Variants in SCARA5 observed in about 807,000 individuals in gnomAD.
SCARA5 encodes scavenger receptor class A, member 5 (putative).
SCARA5 carries 45 observed loss-of-function variants against 46.3 expected under a neutral mutation model. The observed-to-expected ratio is 0.97, with a 90% confidence interval of 0.76 to 1.24. The LOEUF (loss-of-function observed/expected upper bound fraction) is 1.24, where lower values mean the gene tolerates loss of function less well. SCARA5 is among the 50% of genes most tolerant of loss of function. The probability of loss-of-function intolerance (pLI) is 0.00; values close to 1 mark genes in which losing one functional copy is unlikely to be tolerated. For synonymous variants in SCARA5, 333 were observed against 306.5 expected, an observed-to-expected ratio of 1.09 and a Z score of -0.90; for missense variants, 680 against 689.0, an observed-to-expected ratio of 0.99 and a Z score of 0.15.
intron 7 of SCARA5, among the ~76,000 whole-genome samples, chr8:27,890,932 G>A (rs948708950): frequency 6.6e-6 from 1 of 152,188 alleles, no homozygotes; most frequent in Admixed American, 6.5e-5. Context: ...GCAGGTGTGG[G>A]TCTGAAGCAA....
intron 2 of SCARA5, among the ~76,000 whole-genome samples, chr8:27,986,531 A>G (rs1472223368): frequency 2.0e-5 from 3 of 152,166 alleles, no homozygotes; most frequent in African/African-American, 7.2e-5. Context: ...AAGAAGAGCC[A>G]CCATGGTGGA....
At chr8:27,972,250 G>T (rs1205215897) in intron 2 of SCARA5, among the ~76,000 whole-genome samples, 2 of 152,118 alleles carry the variant, frequency 1.3e-5, no homozygotes, top group African/African-American at 4.8e-5. Context: ...CTGGGAGGCA[G>T]AGGCTGCAGT....
chr8:27,943,794 G>T (rs766692833), intron 3 of SCARA5, among the ~76,000 whole-genome samples: 1 of 152,230 alleles, frequency 6.6e-6, no homozygotes, highest in Non-Finnish European at 1.5e-5. Context: ...ACTCGGGCAA[G>T]AATTGTAAGT....
chr8:27,909,606 C>A, intron 5 of SCARA5, 57 bp downstream of exon 5: 1 of 1,218,046 alleles, frequency 8.2e-7, no homozygotes, highest in East Asian at 2.6e-5. Context: ...AAGAAAGTAG[C>A]GGGTAGAGAT....
At chr8:27,909,782 C>T in intron 4 of SCARA5, 39 bp from the exon 5 acceptor site, 1 of 1,422,120 alleles carries the variant, frequency 7.0e-7, no homozygotes, top group South Asian at 1.2e-5. Context: ...AGGGGGCTCC[C>T]TTCTGAAACA....
intron 4 of SCARA5, among the ~76,000 whole-genome samples, chr8:27,920,264 A>G (rs1807561627): frequency 6.6e-6 from 1 of 152,168 alleles, no homozygotes; most frequent in Non-Finnish European, 1.5e-5. Context: ...TGAGGCCAGA[A>G]GTTCAAGACC....
chr8:27,973,802 C>G (rs1251046155), intron 2 of SCARA5, among the ~76,000 whole-genome samples: 1 of 152,116 alleles, frequency 6.6e-6, no homozygotes, highest in African/African-American at 2.4e-5. Context: ...AAAAGTCTTA[C>G]TATTATTAAG....
chr8:27,890,733 G>A (rs2129703572), intron 7 of SCARA5, among the ~76,000 whole-genome samples: 1 of 152,360 alleles, frequency 6.6e-6, no homozygotes, highest in East Asian at 1.9e-4. Flanking sequence ...AGCTCGCTGT[G>A]CACACAGTGA....
intron 7 of SCARA5, among the ~76,000 whole-genome samples, chr8:27,888,152 G>A (rs1806927244): frequency 6.6e-6 from 1 of 152,100 alleles, no homozygotes; most frequent in African/African-American, 2.4e-5. Flanking sequence ...TGTCCCCCAG[G>A]CTCAAGCCAT....
chr8:27,906,924 C>T (rs1198908654), intron 6 of SCARA5, among the ~76,000 whole-genome samples: 1 of 152,160 alleles, frequency 6.6e-6, no homozygotes, highest in African/African-American at 2.4e-5. Flanking sequence ...CCTGCCTGGT[C>T]CTCTCAAAAT....
chr8:27,885,623 A>G (rs1271070894), intron 7 of SCARA5, among the ~76,000 whole-genome samples: 1 of 152,156 alleles, frequency 6.6e-6, no homozygotes, highest in Admixed American at 6.5e-5. Flanking sequence ...GGCAACCTGA[A>G]TGGAGAATCC....
At chr8:27,952,410 G>T (rs1190823708) in intron 3 of SCARA5, among the ~76,000 whole-genome samples, 2 of 152,206 alleles carry the variant, frequency 1.3e-5, no homozygotes, top group Non-Finnish European at 2.9e-5. Flanking sequence ...GGAGATCAAG[G>T]GTTGGGGTGG....
chr8:27,922,217 G>A lies in SCARA5; in HGVS notation c.270C>T (p.Asp90=). 2 of 1,583,060 alleles carry A rather than the reference G, an allele frequency of 1.3e-6. No homozygotes were observed. The highest frequency in any genetic ancestry group is 2.3e-5 in the South Asian group (2 of 86,370). Residue 90 remains aspartate (D), a synonymous_variant, in exon 4 of 9, where the codon GAC becomes GAT. Transcript: ENST00000354914. ...TCACATTGCGAGTCAGGGCCTTCAG[G>A]TCGTCAGGGGAGCTGCGCGGCCTGG... The part of the protein sequence containing the change: ...AVSRPRSSPD[D]LKALTRNVNR...
intron 7 of SCARA5, among the ~76,000 whole-genome samples, chr8:27,896,128 A>G (rs1191422008): frequency 1.3e-5 from 2 of 152,202 alleles, no homozygotes; most frequent in Non-Finnish European, 2.9e-5. Flanking sequence ...CAGAGTCAAC[A>G]AGCATTTAAA....
At chr8:27,948,041 A>G (rs2129891027) in intron 3 of SCARA5, among the ~76,000 whole-genome samples, 1 of 152,268 alleles carries the variant, frequency 6.6e-6, no homozygotes, top group East Asian at 1.9e-4. Flanking sequence ...GAGTTCTGCT[A>G]GTGGGTGGTG....
chr8:27,897,775 G>A lies in SCARA5; in HGVS notation c.1153+7003C>T, dbSNP rs140388387. On this transcript the variant is annotated intron_variant, in intron 7 of 8. Transcript: ENST00000354914. ...CTAGATAAGGCGTCACAGCAGCCAC[G>A]CCTCCCAAGTCCCACACACTCACCT... Among the ~76,000 whole-genome samples the A allele has an allele frequency of 7.7e-3, 1,175 of 152,326 alleles. 12 individuals are homozygous for A. The highest frequency in any genetic ancestry group is 0.027 in the African/African-American group (1,109 of 41,568).
chr8:27,952,746 G>A (rs1014462130), intron 3 of SCARA5, among the ~76,000 whole-genome samples: 2 of 152,214 alleles, frequency 1.3e-5, no homozygotes, highest in African/African-American at 4.8e-5. Flanking sequence ...TATGGACAAT[G>A]GACTGTGTGC....
intron 3 of SCARA5, among the ~76,000 whole-genome samples, chr8:27,949,083 T>C (rs1231280890): frequency 6.6e-6 from 1 of 152,236 alleles, no homozygotes; most frequent in Non-Finnish European, 1.5e-5. Flanking sequence ...CCTATCTACT[T>C]CTTGCTCAGA....
At chr8:27,957,087 G>A (rs543285619) in intron 3 of SCARA5, among the ~76,000 whole-genome samples, 4 of 152,286 alleles carry the variant, frequency 2.6e-5, no homozygotes, top group South Asian at 2.1e-4. Flanking sequence ...CACAGAGGCC[G>A]AGGCATGGAC....
Sources: allele counts gnomAD v4.1 joint callset (sites outside exome capture counted in the v4.1 genomes callset), GRCh38; gene constraint gnomAD v4.1.1; transcripts MANE v1.5; gene names NCBI Gene and HGNC (gene_info 2026-07-23, HGNC 2026-07-21).